RGL3: variants seen among roughly 807,000 people sequenced by gnomAD.
The protein encoded by RGL3 is ral guanine nucleotide dissociation stimulator like 3, also known as ral guanine nucleotide dissociation stimulator-like 3.
Under a neutral mutation model 90.6 loss-of-function variants are expected in RGL3, and 85 were observed. The ratio of observed to expected loss-of-function variants is 0.94; its 90% confidence interval spans 0.79 to 1.12. RGL3 has a LOEUF of 1.12. Among genes scored for constraint, RGL3 ranks in the 50% most tolerant of loss-of-function variants. The pLI is 0.00. For synonymous variants in RGL3, 408 were observed against 385.5 expected (o/e 1.06, Z -0.68); for missense variants, 1,034 against 939.2 (o/e 1.10, Z -1.32).
At chr19:11,415,828 A>T in intron 5 of RGL3, 109 bp downstream of exon 5, 1 of 1,003,404 alleles carries the variant, frequency 1.0e-6, no homozygotes, top group Non-Finnish European at 1.5e-6. Context: ...CTTAGAGTTT[A>T]AAATCTTGCT....
Position 11,397,389 on chromosome 19 carries a change from G to A in RGL3, c.1900-31C>T. On this transcript the variant is annotated intron_variant, in intron 17 of 18. Coordinates refer to ENST00000380456, the MANE Select transcript of RGL3 (RefSeq NM_001035223.4). Reference sequence around the variant, plus strand: ...AGAGAGGGGCGGGAGGTGAGGTGAGGGCCCCGGCCCCAAGGGCAGGGCAGC... The same window carrying A: ...AGAGAGGGGCGGGAGGTGAGGTGAGAGCCCCGGCCCCAAGGGCAGGGCAGC... The A allele has an allele frequency of 1.9e-6, 3 of 1,586,880 alleles. No individual in the cohort carries two copies. The South Asian group carries it at 3.5e-5, about 18-fold the overall frequency.
chr19:11,410,030 C>T (rs1968846495), intron 5 of RGL3, among the ~76,000 whole-genome samples: 1 of 151,856 alleles, frequency 6.6e-6, no homozygotes, highest in Non-Finnish European at 1.5e-5. Context: ...CCTCTGCCTC[C>T]AGGGTTCAAG....
chr19:11,413,428 G>C (rs1225240024), intron 5 of RGL3, among the ~76,000 whole-genome samples: 1 of 150,792 alleles, frequency 6.6e-6, no homozygotes, highest in Non-Finnish European at 1.5e-5. Flanking sequence ...CCAGCTACTT[G>C]GGAGGCTAAG....
intron 2 of RGL3, 100 bp downstream of exon 2, chr19:11,418,571 C>T: frequency 1.2e-5 from 11 of 942,202 alleles, no homozygotes; most frequent in Non-Finnish European, 1.6e-5. Context: ...CCCCTCCCTT[C>T]CTTCCGCCCA....
rs760966838 is a variant in RGL3, at chr19:11,419,251, C to G, written c.28G>C (p.Ala10Pro). The G allele has an allele frequency of 2.5e-6, 4 of 1,593,348 alleles. No homozygotes were observed. In the East Asian group the frequency reaches 9.6e-5, roughly 38 times the overall value. The change falls in exon 1 of 19, where the codon GCC (alanine) becomes CCC (proline). Residue 10 changes from alanine (A) to proline (P), a missense_variant. By Grantham distance (27) the Ala-to-Pro change is conservative (BLOSUM62 -1). Transcript: ENST00000380456. MERTAGKEL[A>P]LAPLQDWGEE... ...GGGATCCCTTGTCCCCTTACCAGGGCCAGCTCTTTGCCTGCTGTGCGCTCC... is the reference window on the plus strand; with the variant it reads ...GGGATCCCTTGTCCCCTTACCAGGGGCAGCTCTTTGCCTGCTGTGCGCTCC...
At position 11,397,254 on chromosome 19, in the gene RGL3, A is replaced by G. The variant is rs1968590236; in HGVS notation, c.2004T>C (p.Pro668=). The G allele has an allele frequency of 6.2e-7, 1 of 1,613,872 alleles. No individual in the cohort carries two copies. Among genetic ancestry groups the G allele is most frequent in the Non-Finnish European group, 8.5e-7 (1 of 1,179,948 alleles). ...ACDYQLFQVL[P]GDRVLLIPDN... ...CCCATCCCTGCTCACCCCGGTCCCC[A>G]GGAAGGACTTGAAAGAGCTGATAGT... Residue 668 remains proline, a synonymous_variant, in exon 18 of 19, where the codon CCT becomes CCC. Transcript: ENST00000380456.
intron 13 of RGL3, among the ~76,000 whole-genome samples, chr19:11,400,672 T>C (rs939045489): frequency 1.3e-5 from 2 of 151,578 alleles, no homozygotes; most frequent in Non-Finnish European, 2.9e-5. Flanking sequence ...GCCAATATAG[T>C]GAAACCCCGT....
At chr19:11,402,918 G>A (rs557174103) in intron 9 of RGL3, among the ~76,000 whole-genome samples, 1 of 152,156 alleles carries the variant, frequency 6.6e-6, no homozygotes, top group East Asian at 2.0e-4. Flanking sequence ...GACCACCCTG[G>A]CCAATATGGT....
At chr19:11,416,812 C>T (rs774565882) in intron 3 of RGL3, 24 bp downstream of exon 3, 76 of 1,611,204 alleles carry the variant, frequency 4.7e-5, no homozygotes, top group Middle Eastern at 1.6e-4. Context: ...GTGGAGAATA[C>T]GGAGGTTATG....
Position 11,394,270 on chromosome 19 carries a change from A to G in RGL3, c.*132T>C. On this transcript the variant is annotated 3_prime_UTR_variant, in exon 19 of 19. Transcript: ENST00000380456. ...AGAGTCAGAAAAAGAGATGGGGTCCAATGGGCTACAGTTGGGTGGTGGTCC... is the reference window on the plus strand; with the variant it reads ...AGAGTCAGAAAAAGAGATGGGGTCCGATGGGCTACAGTTGGGTGGTGGTCC... 1.4e-6 allele frequency: 1 copy of G among 725,766 alleles called. No individual in the cohort carries two copies. Among genetic ancestry groups the G allele is most frequent in the South Asian group, 1.6e-5 (1 of 63,926 alleles). 45.0% of individuals were successfully genotyped at this position (725,766 alleles called of 1,614,324 possible).
intron 5 of RGL3, among the ~76,000 whole-genome samples, chr19:11,412,018 G>A (rs1039194583): frequency 7.2e-5 from 11 of 151,982 alleles, no homozygotes; most frequent in Non-Finnish European, 1.3e-4. Context: ...CATGGCTCAC[G>A]CCTGTAATAC....
At position 11,418,662 on chromosome 19, in the gene RGL3, C is replaced by A; in HGVS notation, c.147+9G>T. On this transcript the variant is annotated intron_variant, in intron 2 of 18. Transcript: ENST00000380456. ...CGGCCCCGCGCCACCCACCAAACCC[C>A]CTCCTCACCTGGCTGCCCCCGGGGC... is the stretch of plus-strand genomic sequence containing the variant. The A allele has an allele frequency of 6.5e-7, 1 of 1,539,674 alleles. No homozygotes were observed. Among genetic ancestry groups the A allele is most frequent in the Non-Finnish European group, 8.7e-7 (1 of 1,146,978 alleles).
At chr19:11,395,152 TTAGACCACCC>T (rs1401635471) in intron 18 of RGL3, among the ~76,000 whole-genome samples, 3 of 150,174 alleles carry the variant, frequency 2.0e-5, no homozygotes, top group Admixed American at 1.3e-4. Flanking sequence ...TTGGGCAAAC[TTAGACCACCC>T]TAGACCACCC....
At chr19:11,408,627 G>A (rs1422443648) in intron 5 of RGL3, 1 of 151,958 alleles carries the variant, frequency 6.6e-6, no homozygotes, top group Non-Finnish European at 1.5e-5. Flanking sequence ...GCTATAAAGT[G>A]CTGAACAAAT....
chr19:11,399,707 G>A, intron 16 of RGL3, 148 bp downstream of exon 16: 1 of 479,830 alleles, frequency 2.1e-6, no homozygotes. Context: ...CAATCCCCTG[G>A]ATGGATACCC....
chr19:11,397,536 C>T lies in RGL3; in HGVS notation c.1808G>A (p.Arg603Gln), dbSNP rs267605283. The T allele has an allele frequency of 2.9e-5, 46 of 1,611,498 alleles. No homozygotes were observed. Among genetic ancestry groups the T allele is most frequent in the East Asian group, 1.1e-4 (5 of 44,846 alleles). ...RPFALPLGSP[R>Q]IPLPAQQSSE... Reference sequence around the variant, plus strand: ...GCTCTGCTGCGCCGGGAGGGGGATTCGAGGGCTGCCCAGAGGCAAAGCGAA... The same window carrying T: ...GCTCTGCTGCGCCGGGAGGGGGATTTGAGGGCTGCCCAGAGGCAAAGCGAA... Residue 603 changes from arginine (R) to glutamine (Q), a missense_variant, in exon 17 of 19, where the codon CGA (arginine) becomes CAA (glutamine). Arg to Gln is a conservative substitution (Grantham distance 43). Transcript: ENST00000380456.
At chr19:11,398,302 C>T (rs1427015543) in intron 16 of RGL3, among the ~76,000 whole-genome samples, 2 of 152,128 alleles carry the variant, frequency 1.3e-5, no homozygotes, top group Non-Finnish European at 2.9e-5. Context: ...CTCATGAATA[C>T]TCAGGCCCAC....
At chr19:11,408,501 G>A (rs943754647) in intron 5 of RGL3, among the ~76,000 whole-genome samples, 3 of 151,448 alleles carry the variant, frequency 2.0e-5, no homozygotes, top group African/African-American at 7.3e-5. Context: ...CAGGAGAATC[G>A]CTTGAACCCT....
intron 5 of RGL3, among the ~76,000 whole-genome samples, chr19:11,408,241 G>T (rs1425333230): frequency 6.6e-6 from 1 of 152,214 alleles, no homozygotes; most frequent in Non-Finnish European, 1.5e-5. Context: ...TTGGGATTGC[G>T]GGTGTGAGCC....
Sources: allele counts gnomAD v4.1 joint callset (sites outside exome capture counted in the v4.1 genomes callset), GRCh38; gene constraint gnomAD v4.1.1; transcripts MANE v1.5; gene names NCBI Gene and HGNC (gene_info 2026-07-23, HGNC 2026-07-21).